COLEC12: variants seen among roughly 807,000 people sequenced by gnomAD.
COLEC12 encodes the protein collectin-12.
A neutral mutation model predicts 71.1 loss-of-function variants in COLEC12; 33 were observed. The observed-to-expected ratio is 0.46, with a 90% confidence interval of 0.35 to 0.62. The LOEUF (loss-of-function observed/expected upper bound fraction) is 0.62. Ranked by LOEUF, COLEC12 falls within the 20% of genes least tolerant of loss-of-function variation. The probability of loss-of-function intolerance (pLI) is 0.00; values close to 1 mark genes in which losing one functional copy is unlikely to be tolerated. For synonymous variants in COLEC12, 350 were observed against 353.0 expected, an observed-to-expected ratio of 0.99 and a Z score of 0.10; for missense variants, 765 against 916.1, an observed-to-expected ratio of 0.84 and a Z score of 2.13.
rs115260649 is a variant in COLEC12, at chr18:448,758, T to G, written c.58+31949A>C. 8.9e-3 allele frequency among the ~76,000 whole-genome samples: 1,355 copies of G among 152,356 alleles called. 23 individuals are homozygous for G. The highest frequency in any genetic ancestry group is 0.03 in the African/African-American group (1,254 of 41,584). ...AAGGAATTTGTGGCAAGAATTTTTT[T>G]GAACAGATCCTTTTCTATTATATAG... On this transcript the variant is annotated intron_variant, in intron 2 of 9. Coordinates refer to ENST00000400256, the MANE Select transcript of COLEC12 (RefSeq NM_130386.3).
At chr18:331,314 G>A (rs903317476) in intron 8 of COLEC12, among the ~76,000 whole-genome samples, 1 of 152,204 alleles carries the variant, frequency 6.6e-6, no homozygotes, top group Non-Finnish European at 1.5e-5. Flanking sequence ...TGGGGCGAAC[G>A]CTGAACATGC....
chr18:351,714 C>A (rs980350818), intron 3 of COLEC12, among the ~76,000 whole-genome samples: 1 of 152,106 alleles, frequency 6.6e-6, no homozygotes. Flanking sequence ...ATTACAGGAG[C>A]CTGTTACCAC....
intron 2 of COLEC12, among the ~76,000 whole-genome samples, chr18:395,229 C>T (rs978159330): frequency 6.6e-6 from 1 of 152,226 alleles, no homozygotes; most frequent in African/African-American, 2.4e-5. Context: ...TGGCAACTGG[C>T]ACATGGCATG....
chr18:408,615 A>AGG lies in COLEC12; in HGVS notation c.59-51094_59-51093insCC. Among the ~76,000 whole-genome samples, 1 of 152,042 alleles carries AGG rather than the reference A, an allele frequency of 6.6e-6. No individual in the cohort carries two copies. The highest frequency in any genetic ancestry group is 1.5e-5 in the Non-Finnish European group (1 of 67,956). On this transcript the variant is annotated intron_variant, in intron 2 of 9. Transcript: ENST00000400256. The surrounding 1 kb of genome is among the most constrained non-coding windows in gnomAD (Gnocchi z 4.3). The stretch of plus-strand genomic sequence containing the variant: ...TTACCAAATATTGAGAAAAAGGAAA[A>AGG]AAAAAAAAGACAGGAAAATAAAAGC...
chr18:469,548 T>A (rs996420432), intron 2 of COLEC12, among the ~76,000 whole-genome samples: 2 of 152,132 alleles, frequency 1.3e-5, no homozygotes, highest in Non-Finnish European at 2.9e-5. Flanking sequence ...TTGCTTCTAT[T>A]TCTCAACAAG....
At chr18:336,420 C>A (rs1014344338) in intron 5 of COLEC12, among the ~76,000 whole-genome samples, 4 of 152,206 alleles carry the variant, frequency 2.6e-5, no homozygotes, top group African/African-American at 7.2e-5. Context: ...AAAGCGAATA[C>A]TGCTCATCCC....
chr18:353,163 G>A (rs939823006), intron 3 of COLEC12, among the ~76,000 whole-genome samples: 19 of 152,186 alleles, frequency 1.2e-4, no homozygotes, highest in Admixed American at 3.3e-4. Context: ...TTGAAGGTCC[G>A]CTCCACACCT....
chr18:421,677 G>A (rs1665709383), intron 2 of COLEC12, among the ~76,000 whole-genome samples: 1 of 152,132 alleles, frequency 6.6e-6, no homozygotes, highest in African/African-American at 2.4e-5. Context: ...CTGCCACCCA[G>A]ACTGAAGCTG....
At chr18:401,507 G>A in intron 2 of COLEC12, among the ~76,000 whole-genome samples, 1 of 141,762 alleles carries the variant, frequency 7.1e-6, no homozygotes, top group East Asian at 2.6e-4. Context: ...GCCTGTGAAA[G>A]TATAATTATT....
intron 2 of COLEC12, among the ~76,000 whole-genome samples, chr18:392,080 A>G (rs1915473777): frequency 1.3e-5 from 2 of 152,232 alleles, no homozygotes; most frequent in South Asian, 4.1e-4. Context: ...CATGGGATCC[A>G]GGAACCAGAC....
At chr18:337,315 C>A (rs1914141484) in intron 5 of COLEC12, among the ~76,000 whole-genome samples, 1 of 152,174 alleles carries the variant, frequency 6.6e-6, no homozygotes, top group Admixed American at 6.5e-5. Flanking sequence ...GAGGACAGGA[C>A]CTTCCTACCT....
chr18:433,381 C>G (rs1020192236), intron 2 of COLEC12, among the ~76,000 whole-genome samples: 12 of 152,126 alleles, frequency 7.9e-5, no homozygotes, highest in South Asian at 2.1e-4. Flanking sequence ...TTTTCTACCC[C>G]CAAACCAAGG....
At chr18:455,660 C>T (rs1168043724) in intron 2 of COLEC12, among the ~76,000 whole-genome samples, 1 of 151,802 alleles carries the variant, frequency 6.6e-6, no homozygotes, top group East Asian at 1.9e-4. Flanking sequence ...CCCCCCTCCC[C>T]TGACAGGCCT....
At chr18:436,096 G>C (rs923819755) in intron 2 of COLEC12, among the ~76,000 whole-genome samples, 1 of 152,190 alleles carries the variant, frequency 6.6e-6, no homozygotes, top group African/African-American at 2.4e-5. Flanking sequence ...TCAACTCTTT[G>C]CTTCTTGCTT....
intron 2 of COLEC12, among the ~76,000 whole-genome samples, chr18:393,504 T>C (rs1020136481): frequency 5.9e-5 from 9 of 152,162 alleles, no homozygotes; most frequent in Non-Finnish European, 1.3e-4. Flanking sequence ...ATAAACTGTA[T>C]ATAAACAAGC....
intron 2 of COLEC12, among the ~76,000 whole-genome samples, chr18:392,659 A>C (rs1321027979): frequency 6.6e-6 from 1 of 152,206 alleles, no homozygotes; most frequent in Non-Finnish European, 1.5e-5. Context: ...CCAAATCTCA[A>C]AAGGTGCTTA....
At chr18:457,555 G>A (rs946604796) in intron 2 of COLEC12, among the ~76,000 whole-genome samples, 3 of 152,312 alleles carry the variant, frequency 2.0e-5, no homozygotes, top group African/African-American at 4.8e-5. Flanking sequence ...CCATCTCTGC[G>A]AAAAGAGGAC....
At chr18:493,579 A>C (rs1024047734) in intron 1 of COLEC12, among the ~76,000 whole-genome samples, 8 of 152,244 alleles carry the variant, frequency 5.3e-5, no homozygotes, top group African/African-American at 1.9e-4. Context: ...TTGTTTACGC[A>C]TAAGTCTTGT....
intron 2 of COLEC12, among the ~76,000 whole-genome samples, chr18:367,035 A>C (rs998733369): frequency 2.6e-5 from 4 of 152,322 alleles, no homozygotes; most frequent in Non-Finnish European, 4.4e-5. Flanking sequence ...GCCCAGACTG[A>C]AGTGAGTCCC....
Sources: gnomAD v4.1 joint callset for allele counts (sites outside exome capture counted in the v4.1 genomes callset) on GRCh38, gnomAD v4.1.1 for gene constraint, Gnocchi (gnomAD v3.1) non-coding constraint, MANE v1.5 for transcripts, NCBI Gene and HGNC (gene_info 2026-07-23, HGNC 2026-07-21) for gene names.